ROR2: variants seen among roughly 807,000 people sequenced by gnomAD.
ROR2 encodes ROR family WNT receptor 2, also known as tyrosine-protein kinase transmembrane receptor ROR2.
Under a neutral mutation model 74.9 loss-of-function variants are expected in ROR2, and 33 were observed. The observed-to-expected ratio is 0.44, with a 90% CI of 0.33 to 0.59. ROR2 has a LOEUF of 0.59. Among genes scored for constraint, ROR2 ranks in the 20% least tolerant of loss-of-function variants. The probability of loss-of-function intolerance (pLI) is 0.02; values close to 1 mark genes in which losing one functional copy is unlikely to be tolerated. For synonymous variants in ROR2, 586 were observed against 558.7 expected (o/e 1.05, Z -0.69); for missense variants, 1,216 against 1,313.8 (o/e 0.93, Z 1.15).
chr9:91,912,237 TAA>T lies in ROR2; in HGVS notation c.97+37628_97+37629del, dbSNP rs533394055. Reference sequence around the variant, plus strand: ...TTTTCATAAAATGTATCAATTGACTTAAGAGATTAACATTAAGGGAAGCCGAG... The same window carrying T: ...TTTTCATAAAATGTATCAATTGACTTGAGATTAACATTAAGGGAAGCCGAG... On this transcript the variant is annotated intron_variant, in intron 1 of 8. Coordinates refer to ENST00000375708, the MANE Select transcript of ROR2 (RefSeq NM_004560.4). 3.5e-3 allele frequency among the ~76,000 whole-genome samples: 533 copies of T among 152,298 alleles called. 1 individual carries two copies. The highest frequency in any genetic ancestry group is 5.6e-3 in the Non-Finnish European group (384 of 68,026).
intron 1 of ROR2, among the ~76,000 whole-genome samples, chr9:91,909,847 G>T (rs12683328): frequency 0.34 from 18,471 of 54,112 alleles, 3,928 homozygotes; most frequent in African/African-American, 0.59. Flanking sequence ...GGTTTGTTTT[G>T]TTTTTTTTTT....
chr9:91,801,839 C>T (rs562423619), intron 1 of ROR2, among the ~76,000 whole-genome samples: 9 of 152,300 alleles, frequency 5.9e-5, no homozygotes, highest in Admixed American at 3.3e-4. Flanking sequence ...TGAACATGAA[C>T]GGGCGGGCTC....
At chr9:91,928,888 A>T (rs1482889631) in intron 1 of ROR2, among the ~76,000 whole-genome samples, 1 of 152,214 alleles carries the variant, frequency 6.6e-6, no homozygotes, top group East Asian at 1.9e-4. Context: ...AGTTCAATAA[A>T]TATCAGGACT....
chr9:91,834,485 T>A (rs1828556892), intron 1 of ROR2, among the ~76,000 whole-genome samples: 1 of 152,184 alleles, frequency 6.6e-6, no homozygotes. Context: ...ACTCTAGCCA[T>A]GGCAGAAGAC....
At chr9:91,932,674 G>A (rs1310442144) in intron 1 of ROR2, among the ~76,000 whole-genome samples, 2 of 150,256 alleles carry the variant, frequency 1.3e-5, no homozygotes, top group Non-Finnish European at 3.0e-5. Flanking sequence ...AAAAAAAAAA[G>A]AAAGAAAGAA....
chr9:91,739,534 A>G (rs1038590665), intron 4 of ROR2, among the ~76,000 whole-genome samples: 1 of 151,912 alleles, frequency 6.6e-6, no homozygotes, highest in East Asian at 1.9e-4. Context: ...AAAAAAAAAA[A>G]AAAGAATGTG....
chr9:91,832,686 A>T (rs557600023), intron 1 of ROR2, among the ~76,000 whole-genome samples: 1 of 152,212 alleles, frequency 6.6e-6, no homozygotes, highest in African/African-American at 2.4e-5. Context: ...GGCCCCATGG[A>T]TTTCAAATGC....
intron 1 of ROR2, among the ~76,000 whole-genome samples, chr9:91,845,877 C>CAAAAAAAAAAAAAAAAAAAAA (rs5899143): frequency 5.9e-5 from 2 of 33,872 alleles, no homozygotes; most frequent in Non-Finnish European, 1.4e-4. Context: ...GAATCCATCT[C>CAAAAAAAAAAAAAAAAAAAAA]AAAAAAAAAA....
chr9:91,947,316 C>T lies in ROR2; in HGVS notation c.97+2551G>A, dbSNP rs146856714. ...ACTGAGTGTCACATAGGGTCCACGG[C>T]GATCAGATTTTCAGGGTGACATGCT... On this transcript the variant is annotated intron_variant, in intron 1 of 8. Coordinates refer to ENST00000375708, the MANE Select transcript of ROR2 (RefSeq NM_004560.4). Among the ~76,000 whole-genome samples the T allele has an allele frequency of 4.2e-3, 634 of 152,186 alleles. 5 individuals are homozygous for T. Among genetic ancestry groups the T allele is most frequent in the African/African-American group, 0.015 (603 of 41,506 alleles).
chr9:91,833,129 G>A (rs550601396), intron 1 of ROR2, among the ~76,000 whole-genome samples: 13 of 152,312 alleles, frequency 8.5e-5, no homozygotes, highest in Admixed American at 5.9e-4. Flanking sequence ...TCTCTGCCGA[G>A]TGGGCAAGAG....
intron 1 of ROR2, among the ~76,000 whole-genome samples, chr9:91,795,264 C>T (rs1373539841): frequency 6.6e-6 from 1 of 152,156 alleles, no homozygotes; most frequent in Non-Finnish European, 1.5e-5. Flanking sequence ...TTCTGAATAT[C>T]TTCCATCCAC....
intron 1 of ROR2, among the ~76,000 whole-genome samples, chr9:91,838,748 G>A (rs1368163952): frequency 6.6e-6 from 1 of 152,148 alleles, no homozygotes; most frequent in Non-Finnish European, 1.5e-5. Context: ...CTTTTTAAAA[G>A]AGTAAAGGCA....
At chr9:91,943,218 C>G (rs1218232747) in intron 1 of ROR2, among the ~76,000 whole-genome samples, 1 of 152,090 alleles carries the variant, frequency 6.6e-6, no homozygotes, top group Non-Finnish European at 1.5e-5. Flanking sequence ...CTGTCCCCAT[C>G]CCATATTCAG....
chr9:91,781,813 G>A (rs866062100), intron 1 of ROR2, among the ~76,000 whole-genome samples: 16 of 152,260 alleles, frequency 1.1e-4, no homozygotes, highest in Middle Eastern at 6.8e-3. Context: ...TGGAGTAACC[G>A]TTTCACCAAT....
intron 1 of ROR2, among the ~76,000 whole-genome samples, chr9:91,855,232 A>G (rs749207472): frequency 1.3e-5 from 2 of 152,074 alleles, no homozygotes; most frequent in Non-Finnish European, 2.9e-5. Flanking sequence ...CTGGATTGCT[A>G]ATAGTTGCTC....
chr9:91,850,331 G>A (rs1829051462), intron 1 of ROR2, among the ~76,000 whole-genome samples: 1 of 152,226 alleles, frequency 6.6e-6, no homozygotes, highest in Admixed American at 6.5e-5. Flanking sequence ...GTAATCCCCA[G>A]AACCTGTGAC....
intron 1 of ROR2, among the ~76,000 whole-genome samples, chr9:91,806,358 G>A (rs1316686084): frequency 6.6e-6 from 1 of 152,168 alleles, no homozygotes; most frequent in Non-Finnish European, 1.5e-5. Context: ...GTCTCTCTGA[G>A]GCCTCTTTGT....
At chr9:91,749,716 A>C (rs1307802548) in intron 4 of ROR2, among the ~76,000 whole-genome samples, 2 of 152,220 alleles carry the variant, frequency 1.3e-5, no homozygotes, top group African/African-American at 2.4e-5. Context: ...GTGATATTAA[A>C]TTTAATGATT....
chr9:91,853,846 A>C (rs1182357184), intron 1 of ROR2, among the ~76,000 whole-genome samples: 2 of 152,238 alleles, frequency 1.3e-5, no homozygotes, highest in Non-Finnish European at 2.9e-5. Context: ...GCAGAGAGAC[A>C]TGAAATCTAA....
Sources: allele counts gnomAD v4.1 joint callset (sites outside exome capture counted in the v4.1 genomes callset), GRCh38; gene constraint gnomAD v4.1.1; transcripts MANE v1.5; gene names NCBI Gene and HGNC (gene_info 2026-07-23, HGNC 2026-07-21).